The following DTD1 variants were observed in gnomAD, a reference collection of about 807,000 sequenced individuals.
The protein encoded by DTD1 is D-tyrosyl-tRNA deacylase 1 homolog.
Under a neutral mutation model 25.6 loss-of-function variants are expected in DTD1, and 13 were observed. The observed-to-expected ratio is 0.51, with a 90% CI of 0.33 to 0.81. The LOEUF (loss-of-function observed/expected upper bound fraction) is 0.81, where lower values mean the gene tolerates loss of function less well. Among genes scored for constraint, DTD1 ranks in the 30% least tolerant of loss-of-function variants. DTD1 has a pLI of 0.02. For synonymous variants in DTD1, 110 were observed against 103.6 expected (o/e 1.06, Z -0.37); for missense variants, 193 against 266.4 (o/e 0.72, Z 1.92).
chr20:18,708,238 A>ATATTT (rs2061137368), intron 4 of DTD1, among the ~76,000 whole-genome samples: 1 of 2,152 alleles, frequency 4.6e-4, no homozygotes, highest in African/African-American at 8.4e-4. Context: ...TATTTTATAT[A>ATATTT]TATATAATAT....
intron 4 of DTD1, among the ~76,000 whole-genome samples, chr20:18,741,490 T>TA (rs2061278010): frequency 6.6e-6 from 1 of 152,206 alleles, no homozygotes; most frequent in Non-Finnish European, 1.5e-5. Context: ...AGTTGATGGT[T>TA]ACAGTTGAAG....
chr20:18,629,318 T>TTTTTA (rs2060773698), intron 4 of DTD1, among the ~76,000 whole-genome samples: 4 of 120,602 alleles, frequency 3.3e-5, no homozygotes, highest in Non-Finnish European at 5.5e-5. Context: ...TTTTTTTTTT[T>TTTTTA]GAGACAGGGT....
chr20:18,608,589 A>G (rs1437087980), intron 3 of DTD1, among the ~76,000 whole-genome samples: 2 of 152,194 alleles, frequency 1.3e-5, no homozygotes, highest in Non-Finnish European at 2.9e-5. Flanking sequence ...TTAGTGCTAT[A>G]AGTTTCTCTT....
intron 3 of DTD1, among the ~76,000 whole-genome samples, chr20:18,609,285 G>A (rs1389412787): frequency 1.3e-5 from 2 of 151,988 alleles, no homozygotes; most frequent in Non-Finnish European, 2.9e-5. Context: ...TGGGACCACA[G>A]GCATGTGCCA....
intron 3 of DTD1, among the ~76,000 whole-genome samples, chr20:18,601,652 C>T (rs1353802465): frequency 1.3e-5 from 2 of 151,880 alleles, no homozygotes; most frequent in African/African-American, 4.8e-5. Flanking sequence ...AGGCACCCCC[C>T]AGCAGGGGCA....
intron 4 of DTD1, among the ~76,000 whole-genome samples, chr20:18,715,072 C>G (rs1336748300): frequency 1.3e-5 from 2 of 152,130 alleles, no homozygotes; most frequent in Non-Finnish European, 2.9e-5. Context: ...CTTTGGACAC[C>G]AGGCTGGGCC....
chr20:18,612,676 T>G (rs994783680), intron 3 of DTD1, among the ~76,000 whole-genome samples: 1 of 152,002 alleles, frequency 6.6e-6, no homozygotes, highest in Non-Finnish European at 1.5e-5. Flanking sequence ...TTTTTTATTT[T>G]GCGACAGAGT....
chr20:18,647,738 G>A (rs895194888), intron 4 of DTD1, among the ~76,000 whole-genome samples: 6 of 152,144 alleles, frequency 3.9e-5, no homozygotes, highest in African/African-American at 1.4e-4. Context: ...TGGGCAGTGG[G>A]CAGCCACTGA....
At chr20:18,670,679 A>G (rs1457190475) in intron 4 of DTD1, among the ~76,000 whole-genome samples, 1 of 152,204 alleles carries the variant, frequency 6.6e-6, no homozygotes, top group Non-Finnish European at 1.5e-5. Flanking sequence ...TGTCACTGGA[A>G]TGAGAACATG....
intron 3 of DTD1, among the ~76,000 whole-genome samples, chr20:18,623,701 A>G (rs1269094939): frequency 6.6e-6 from 1 of 152,156 alleles, no homozygotes. Context: ...GTGACAGCCT[A>G]TTAATGGGCC....
intron 4 of DTD1, among the ~76,000 whole-genome samples, chr20:18,699,806 AACTT>A (rs931445222): frequency 1.9e-4 from 29 of 152,102 alleles, no homozygotes; most frequent in African/African-American, 6.8e-4. Context: ...ATGTATCTTA[AACTT>A]ACTTTGAAAT....
At chr20:18,597,154 AGTGTGTGT>A (rs4052788) in intron 3 of DTD1, among the ~76,000 whole-genome samples, 18,704 of 143,430 alleles carry the variant, frequency 0.13, 1,418 homozygotes, top group South Asian at 0.24. Context: ...GATGAGAGAA[AGTGTGTGT>A]GTGTGTGTGT....
At chr20:18,734,888 CT>C (rs1259611405) in intron 4 of DTD1, among the ~76,000 whole-genome samples, 1 of 152,176 alleles carries the variant, frequency 6.6e-6, no homozygotes, top group African/African-American at 2.4e-5. Flanking sequence ...GGCATTTACC[CT>C]TTTGCCTTTA....
At chr20:18,709,844 G>A (rs1044821205) in intron 4 of DTD1, among the ~76,000 whole-genome samples, 1 of 152,066 alleles carries the variant, frequency 6.6e-6, no homozygotes, top group Admixed American at 6.5e-5. Context: ...GTCAGGGAGG[G>A]GTGGGACACT....
At chr20:18,628,267 T>C (rs751296630) in intron 4 of DTD1, 34 bp downstream of exon 4, 2 of 1,565,460 alleles carry the variant, frequency 1.3e-6, no homozygotes, top group East Asian at 4.5e-5. Context: ...GCTCCGTCCC[T>C]TGGGTGCCTG....
At chr20:18,620,709 C>T (rs1047171824) in intron 3 of DTD1, among the ~76,000 whole-genome samples, 11 of 152,074 alleles carry the variant, frequency 7.2e-5, no homozygotes, top group Admixed American at 5.9e-4. Context: ...ATCCTCCTGC[C>T]TTAGTCTCCA....
At chr20:18,591,129 TATAATA>T (rs1040145621) in intron 1 of DTD1, among the ~76,000 whole-genome samples, 3 of 152,188 alleles carry the variant, frequency 2.0e-5, no homozygotes, top group Admixed American at 2.0e-4. Flanking sequence ...TCCATTTACT[TATAATA>T]AAAAATCCTT....
At chr20:18,640,309 A>G (rs1320699364) in intron 4 of DTD1, among the ~76,000 whole-genome samples, 1 of 152,132 alleles carries the variant, frequency 6.6e-6, no homozygotes, top group Non-Finnish European at 1.5e-5. Flanking sequence ...GCATTTTTAT[A>G]TCAATTTTTG....
At chr20:18,670,725 C>T (rs1032782089) in intron 4 of DTD1, among the ~76,000 whole-genome samples, 7 of 152,284 alleles carry the variant, frequency 4.6e-5, no homozygotes, top group Middle Eastern at 6.8e-3. Flanking sequence ...CCAATCTTGT[C>T]GTTCTTCATT....
Sources: allele counts gnomAD v4.1 joint callset (sites outside exome capture counted in the v4.1 genomes callset), GRCh38; gene constraint gnomAD v4.1.1; transcripts MANE v1.5; gene names NCBI Gene and HGNC (gene_info 2026-07-23, HGNC 2026-07-21).